Variants in SYT1 observed in about 807,000 individuals in gnomAD.
SYT1 encodes the protein synaptotagmin-1.
Under a neutral mutation model 44.8 loss-of-function variants are expected in SYT1, and 8 were observed. The ratio of observed to expected loss-of-function variants is 0.18; its 90% CI spans 0.10 to 0.32. The LOEUF (loss-of-function observed/expected upper bound fraction) is 0.32, where lower values mean the gene tolerates loss of function less well. SYT1 is among the 10% of genes least tolerant of loss of function. The pLI is 1.00. For synonymous variants in SYT1, 154 were observed against 188.8 expected (o/e 0.82, Z 1.51); for missense variants, 286 against 509.3 (o/e 0.56, Z 4.22).
chr12:79,223,202 G>A (rs1402041739), intron 4 of SYT1, among the ~76,000 whole-genome samples: 1 of 152,198 alleles, frequency 6.6e-6, no homozygotes, highest in Non-Finnish European at 1.5e-5. Flanking sequence ...CAATGTCTGT[G>A]CATTTGAAGA....
intron 7 of SYT1, among the ~76,000 whole-genome samples, chr12:79,296,472 C>G (rs1291471534): frequency 6.6e-6 from 1 of 152,104 alleles, no homozygotes; most frequent in African/African-American, 2.4e-5. Flanking sequence ...TAGAACATGA[C>G]TAGGATGTCA....
At chr12:79,071,614 A>T (rs1238670904) in intron 3 of SYT1, among the ~76,000 whole-genome samples, 1 of 152,188 alleles carries the variant, frequency 6.6e-6, no homozygotes, top group Admixed American at 6.5e-5. Flanking sequence ...CAAACTCAAG[A>T]TGTCAGTCAG....
intron 3 of SYT1, among the ~76,000 whole-genome samples, chr12:79,093,344 G>A (rs1877906602): frequency 6.6e-6 from 1 of 151,634 alleles, no homozygotes; most frequent in Admixed American, 6.6e-5. Flanking sequence ...GCAATTTAAA[G>A]ACTTCAAAAT....
At chr12:79,373,968 A>G (rs1408865479) in intron 9 of SYT1, among the ~76,000 whole-genome samples, 1 of 152,198 alleles carries the variant, frequency 6.6e-6, no homozygotes, top group Admixed American at 6.5e-5. Context: ...GTTTGGTTAC[A>G]ATTAAATAAC....
intron 1 of SYT1, among the ~76,000 whole-genome samples, chr12:78,872,920 G>A (rs1022176522): frequency 1.3e-5 from 2 of 151,682 alleles, no homozygotes; most frequent in African/African-American, 4.8e-5. Context: ...AGGGCTTGCG[G>A]ATAATTTTTA....
intron 4 of SYT1, among the ~76,000 whole-genome samples, chr12:79,261,637 A>G (rs746307820): frequency 2.0e-5 from 3 of 152,200 alleles, no homozygotes; most frequent in Non-Finnish European, 4.4e-5. Context: ...AAATTTTAGA[A>G]CAGAATTTGA....
At chr12:78,911,196 G>A (rs1174576740) in intron 1 of SYT1, among the ~76,000 whole-genome samples, 3 of 152,018 alleles carry the variant, frequency 2.0e-5, no homozygotes, top group East Asian at 1.9e-4. Flanking sequence ...ACAACTAGAC[G>A]GATGTGGGTG....
intron 4 of SYT1, among the ~76,000 whole-genome samples, chr12:79,227,922 G>A (rs549544494): frequency 4.6e-5 from 7 of 152,064 alleles, no homozygotes; most frequent in South Asian, 4.2e-4. Context: ...AGAAAATTCC[G>A]GAAACTTTGC....
chr12:79,026,945 A>G (rs1005622203), intron 2 of SYT1, among the ~76,000 whole-genome samples: 2 of 151,496 alleles, frequency 1.3e-5, no homozygotes, highest in African/African-American at 4.8e-5. Context: ...AATCCTGTAC[A>G]TTGTTGATAG....
intron 1 of SYT1, among the ~76,000 whole-genome samples, chr12:78,926,376 G>A (rs547349606): frequency 4.6e-5 from 7 of 152,046 alleles, no homozygotes; most frequent in South Asian, 2.1e-4. Flanking sequence ...ATTCTAATAC[G>A]TATATTTTAC....
chr12:79,201,926 T>A (rs188123893), intron 3 of SYT1, among the ~76,000 whole-genome samples: 116 of 152,264 alleles, frequency 7.6e-4, no homozygotes, highest in Admixed American at 3.7e-3. Context: ...TATCAAATTA[T>A]TGATCAGTAA....
chr12:79,081,625 CACCTTGGCCTCCCAAAGTGCTGGGCTT>C (rs1326351309), intron 3 of SYT1, among the ~76,000 whole-genome samples: 1 of 152,108 alleles, frequency 6.6e-6, no homozygotes, highest in Non-Finnish European at 1.5e-5. Context: ...GCAATCAGCC[CACCTTGGCCTCCCAAAGTGCTGGGCTT>C]ACGGGTGTGA....
At chr12:79,333,337 C>A (rs922806199) in intron 8 of SYT1, among the ~76,000 whole-genome samples, 9 of 152,156 alleles carry the variant, frequency 5.9e-5, no homozygotes, top group African/African-American at 2.2e-4. Flanking sequence ...CAAGGACTCT[C>A]ATCCCATTCA....
intron 1 of SYT1, among the ~76,000 whole-genome samples, chr12:78,874,091 C>G (rs1873948358): frequency 6.6e-6 from 1 of 151,562 alleles, no homozygotes; most frequent in Non-Finnish European, 1.5e-5. Context: ...AGGCACTTTT[C>G]TATGTACTTT....
At chr12:79,335,390 CTTT>C (rs72071132) in intron 8 of SYT1, among the ~76,000 whole-genome samples, 11 of 137,790 alleles carry the variant, frequency 8.0e-5, no homozygotes, top group African/African-American at 1.3e-4. Flanking sequence ...TTCTCTGATG[CTTT>C]TTTTTTTTTT....
At chr12:78,926,694 A>C (rs560270849) in intron 1 of SYT1, 1 of 152,118 alleles carries the variant, frequency 6.6e-6, no homozygotes, top group Non-Finnish European at 1.5e-5. Context: ...TAGAGATGAC[A>C]TATCAAGATC....
intron 1 of SYT1, among the ~76,000 whole-genome samples, chr12:78,931,347 AG>A (rs1247639071): frequency 3.2e-5 from 1 of 31,686 alleles, no homozygotes; most frequent in Non-Finnish European, 7.4e-5. Flanking sequence ...GAAGGAAGGA[AG>A]GAAGGAAGGA....
chr12:79,269,593 G>GCT (rs1565883687), intron 4 of SYT1, among the ~76,000 whole-genome samples: 4 of 152,238 alleles, frequency 2.6e-5, no homozygotes, highest in Admixed American at 1.3e-4. Flanking sequence ...TTGCCTTGAT[G>GCT]CTCTGAGAAA....
intron 1 of SYT1, among the ~76,000 whole-genome samples, chr12:78,931,179 A>AAGAAAAAG (rs1555181905): frequency 2.3e-4 from 14 of 59,866 alleles, no homozygotes; most frequent in African/African-American, 1.1e-3. Flanking sequence ...GAAAGAAAGA[A>AAGAAAAAG]AAAGAAAGAA....
Sources: allele counts gnomAD v4.1 joint callset (sites outside exome capture counted in the v4.1 genomes callset), GRCh38; gene constraint gnomAD v4.1.1; transcripts MANE v1.5; gene names NCBI Gene and HGNC (gene_info 2026-07-23, HGNC 2026-07-21).